CARNMT1: variants seen among roughly 807,000 people sequenced by gnomAD.
CARNMT1 encodes carnosine N-methyltransferase 1.
CARNMT1 carries 28 observed loss-of-function variants against 49.6 expected under a neutral mutation model. The observed-to-expected ratio is 0.56, with a 90% CI of 0.42 to 0.77. The LOEUF (loss-of-function observed/expected upper bound fraction) is 0.77, where lower values mean the gene tolerates loss of function less well. Ranked by LOEUF, CARNMT1 falls within the 30% of genes least tolerant of loss-of-function variation. CARNMT1 has a pLI of 0.00. For missense variants in CARNMT1, 421 were observed against 512.6 expected (o/e 0.82, Z 1.73); for synonymous variants, 178 against 175.0 (o/e 1.02, Z -0.13).
At chr9:75,002,119 G>A (rs1228696895) in intron 3 of CARNMT1, among the ~76,000 whole-genome samples, 2 of 152,158 alleles carry the variant, frequency 1.3e-5, no homozygotes, top group Admixed American at 1.3e-4. Context: ...AAGACAAACA[G>A]GAACGGAGAA....
At chr9:75,012,609 A>T (rs1311696660) in intron 3 of CARNMT1, among the ~76,000 whole-genome samples, 5 of 152,054 alleles carry the variant, frequency 3.3e-5, no homozygotes, top group Admixed American at 2.6e-4. Context: ...AGAATTTTTT[A>T]AAAATTTGAG....
intron 3 of CARNMT1, among the ~76,000 whole-genome samples, chr9:75,010,708 C>T (rs1264789076): frequency 2.0e-5 from 3 of 152,052 alleles, no homozygotes; most frequent in Non-Finnish European, 4.4e-5. Context: ...ACCTAAACCC[C>T]AAGACATTAG....
chr9:75,012,286 T>G (rs1015120084), intron 3 of CARNMT1, among the ~76,000 whole-genome samples: 3 of 116,448 alleles, frequency 2.6e-5, no homozygotes, highest in Non-Finnish European at 5.9e-5. Flanking sequence ...AGTTTTTGGT[T>G]TTTTTTTTTT....
At position 75,028,183 on chromosome 9, in the gene CARNMT1, C is replaced by A. The variant is rs868817809; in HGVS notation, c.59G>T (p.Gly20Val). The A allele has an allele frequency of 6.6e-6, 10 of 1,509,198 alleles. No homozygotes were observed. The highest frequency in any genetic ancestry group is 8.9e-6 in the Non-Finnish European group (10 of 1,129,494). 93.5% of individuals were successfully genotyped at this position (1,509,198 alleles called of 1,614,324 possible). Residue 20 changes from glycine (G) to valine (V), a missense_variant, in exon 1 of 8, where the codon GGA becomes GTA. Physicochemically the swap from Gly to Val is moderately radical, Grantham distance 109. This residue lies in a region of CARNMT1 where 186 missense variants were observed against 167.9 expected (regional missense o/e 1.11). Transcript: ENST00000376834. ...PTSRLPEGCG[G>V]GGGGSEEVEV... is the part of the protein sequence containing the mutation. ...CACCTCCTCGCTGCCACCGCCTCCT[C>A]CCCCGCAGCCCTCGGGCAGCCGGGA...
chr9:75,005,866 ACACACAC>A (rs1459928462), intron 3 of CARNMT1, among the ~76,000 whole-genome samples: 9 of 148,828 alleles, frequency 6.0e-5, no homozygotes, highest in East Asian at 4.0e-4. Context: ...ACACACACAC[ACACACAC>A]AATAAAAGGC....
At chr9:75,006,108 G>A (rs2118820895) in intron 3 of CARNMT1, among the ~76,000 whole-genome samples, 1 of 152,022 alleles carries the variant, frequency 6.6e-6, no homozygotes, top group Non-Finnish European at 1.5e-5. Flanking sequence ...CTGGAGTGCA[G>A]TGGCTCTATC....
At chr9:75,003,679 GT>G (rs1833427337) in intron 3 of CARNMT1, among the ~76,000 whole-genome samples, 1 of 152,170 alleles carries the variant, frequency 6.6e-6, no homozygotes, top group South Asian at 2.1e-4. Flanking sequence ...TATTTATATT[GT>G]TTCCAATCTT....
At chr9:75,000,778 T>C (rs1450786318) in intron 3 of CARNMT1, among the ~76,000 whole-genome samples, 4 of 152,192 alleles carry the variant, frequency 2.6e-5, no homozygotes, top group African/African-American at 9.7e-5. Context: ...CTACTAATGA[T>C]TTTTTTATCT....
chr9:75,028,017 G>A lies in CARNMT1; in HGVS notation c.225C>T (p.Tyr75=). The A allele has an allele frequency of 1.3e-6, 2 of 1,569,022 alleles. No homozygotes were observed. Among genetic ancestry groups the A allele is most frequent in the East Asian group, 2.6e-5 (1 of 38,902 alleles). The change falls in exon 1 of 8, where the codon TAC becomes TAT. Residue 75 remains tyrosine (Y), a synonymous_variant. Transcript: ENST00000376834. ...HFWKIINAFR[Y]YGTSMHERVN... The stretch of plus-strand genomic sequence containing the variant: ...GTCCGCCACGGGCTCCTTACCCGTA[G>A]TAGCGGAAGGCATTAATGATCTTCC...
In CARNMT1 at chr9:75,001,776, G is replaced by A. The variant is rs528240563; in HGVS notation, c.591-1906C>T. Among the ~76,000 whole-genome samples, 4 of 152,244 alleles carry A rather than the reference G, an allele frequency of 2.6e-5. No homozygotes were observed. In the South Asian group the frequency reaches 6.2e-4, roughly 24 times the overall value. On this transcript the variant is annotated intron_variant, in intron 3 of 7. Transcript: ENST00000376834. ...TAACTGTGATGTGCATGAAACTAAC[G>A]CACTCTAAGTGGGAATTTCTGCTAT...
At chr9:74,984,322 A>ACTCTAC (rs1359627189) in intron 7 of CARNMT1, among the ~76,000 whole-genome samples, 4 of 152,008 alleles carry the variant, frequency 2.6e-5, no homozygotes, top group Non-Finnish European at 4.4e-5. Context: ...CCCAGAGCCT[A>ACTCTAC]CTCTACTTTC....
rs1481598402 is a variant in CARNMT1, at chr9:74,990,247, A to G, written c.1025-5237T>C. 3.9e-5 allele frequency among the ~76,000 whole-genome samples: 6 copies of G among 152,212 alleles called. No individual in the cohort carries two copies. In the East Asian group the frequency reaches 1.2e-3, roughly 29 times the overall value. On this transcript the variant is annotated intron_variant, in intron 6 of 7. Transcript: ENST00000376834. ...AAAGAGAACTCCACACCTAGATGTA[A>G]TATTAGACCTGATAAAACTACAAGG...
chr9:75,009,589 T>G (rs1833624111), intron 3 of CARNMT1, among the ~76,000 whole-genome samples: 1 of 152,142 alleles, frequency 6.6e-6, no homozygotes, highest in Non-Finnish European at 1.5e-5. Context: ...GATGCAAGGC[T>G]TATGGACAAA....
At chr9:74,983,894 A>AT in intron 7 of CARNMT1, 26 bp from the exon 8 acceptor site, 1 of 1,513,142 alleles carries the variant, frequency 6.6e-7, no homozygotes, top group Non-Finnish European at 9.0e-7. Context: ...TAATCATAAT[A>AT]CTATGACAGT....
intron 4 of CARNMT1, 116 bp from the exon 5 acceptor site, chr9:74,998,892 A>G (rs1451476925): frequency 5.2e-6 from 3 of 577,438 alleles, no homozygotes; most frequent in Non-Finnish European, 8.3e-6. Flanking sequence ...TTAATATTTA[A>G]AGAGTCACTA....
At chr9:75,020,267 C>CTTCTTTT (rs755164469) in intron 1 of CARNMT1, among the ~76,000 whole-genome samples, 12 of 124,280 alleles carry the variant, frequency 9.7e-5, no homozygotes, top group South Asian at 5.1e-4. Context: ...CATTTTTCTT[C>CTTCTTTT]TTTTTTTTTT....
At chr9:74,995,442 A>T (rs1833159053) in intron 6 of CARNMT1, among the ~76,000 whole-genome samples, 1 of 152,150 alleles carries the variant, frequency 6.6e-6, no homozygotes, top group Non-Finnish European at 1.5e-5. Context: ...CTTGGGAAAA[A>T]TTTCCCAAGG....
chr9:75,028,367 C>T, upstream of CARNMT1: 5 of 1,301,718 alleles, frequency 3.8e-6, no homozygotes, highest in Non-Finnish European at 3.9e-6. Context: ...GCGCGCTCCG[C>T]CCCCGCCACC....
intron 1 of CARNMT1, 63 bp from the exon 2 acceptor site, chr9:75,017,511 T>A: frequency 7.3e-7 from 1 of 1,366,780 alleles, no homozygotes; most frequent in East Asian, 2.3e-5. Flanking sequence ...CAATCTTACT[T>A]TAAGGTTGTC....
Sources: gnomAD v4.1 joint callset for allele counts (sites outside exome capture counted in the v4.1 genomes callset) on GRCh38, gnomAD v4.1.1 for gene constraint, gnomAD v4.1.1 regional missense constraint, MANE v1.5 for transcripts, NCBI Gene and HGNC (gene_info 2026-07-23, HGNC 2026-07-21) for gene names.